The following RUNX1T1 variants were observed in gnomAD, a reference collection of about 807,000 sequenced individuals.
RUNX1T1 encodes protein CBFA2T1.
In RUNX1T1, 4 loss-of-function variants were observed where a neutral mutation model predicts 62.8. The ratio of observed to expected loss-of-function variants is 0.06; its 90% confidence interval spans 0.03 to 0.15. The LOEUF (loss-of-function observed/expected upper bound fraction) is 0.15. RUNX1T1 is among the 10% of genes least tolerant of loss of function. The pLI, the probability that RUNX1T1 is intolerant of heterozygous loss-of-function variation, is 1.00. For missense variants in RUNX1T1, 508 were observed against 754.3 expected (o/e 0.67, Z 3.82); for synonymous variants, 291 against 286.0 (o/e 1.02, Z -0.18).
At chr8:92,078,828 CTT>C (rs1289640348) in intron 1 of RUNX1T1, among the ~76,000 whole-genome samples, 1 of 152,202 alleles carries the variant, frequency 6.6e-6, no homozygotes, top group African/African-American at 2.4e-5. Context: ...ATACAGAATA[CTT>C]TTTTGATCAA....
intron 5 of RUNX1T1, among the ~76,000 whole-genome samples, chr8:91,998,051 C>T (rs575922545): frequency 3.3e-5 from 5 of 152,226 alleles, no homozygotes; most frequent in East Asian, 1.9e-4. Context: ...TTTTCTAACA[C>T]GTGCAGTTTG....
chr8:92,018,167 A>G (rs1355562386), intron 1 of RUNX1T1, among the ~76,000 whole-genome samples: 1 of 152,234 alleles, frequency 6.6e-6, no homozygotes, highest in Non-Finnish European at 1.5e-5. Context: ...ATGGACATTC[A>G]TACTTCAGAA....
At chr8:92,027,000 C>A (rs1233974244) in intron 1 of RUNX1T1, among the ~76,000 whole-genome samples, 2 of 138,920 alleles carry the variant, frequency 1.4e-5, no homozygotes, top group South Asian at 2.3e-4. Flanking sequence ...CCTGTAGTCC[C>A]AGCTACTCGG....
chr8:92,014,466 G>A (rs1193763371), intron 3 of RUNX1T1, 113 bp downstream of exon 4: 24 of 988,452 alleles, frequency 2.4e-5, no homozygotes, highest in Non-Finnish European at 3.3e-5. Context: ...ACAATCTTCA[G>A]ATGTAGAAAC....
chr8:92,082,020 G>C (rs1357146297), intron 1 of RUNX1T1, among the ~76,000 whole-genome samples: 2 of 152,000 alleles, frequency 1.3e-5, no homozygotes, highest in Non-Finnish European at 2.9e-5. Context: ...CAAGTAGCTG[G>C]GACTACAGGC....
intron 1 of RUNX1T1, among the ~76,000 whole-genome samples, chr8:92,087,485 C>T (rs967748590): frequency 4.6e-5 from 7 of 152,130 alleles, no homozygotes; most frequent in African/African-American, 1.4e-4. Flanking sequence ...CTTGATGAAT[C>T]CTACCTGTCT....
chr8:92,086,333 C>T (rs1000145912), intron 1 of RUNX1T1, among the ~76,000 whole-genome samples: 27 of 152,206 alleles, frequency 1.8e-4, no homozygotes, highest in Non-Finnish European at 7.3e-5. Context: ...CTGCACTGGT[C>T]AAATGAGAAG....
intron 2 of RUNX1T1, among the ~76,000 whole-genome samples, chr8:92,074,131 T>G (rs957157922): frequency 1.3e-5 from 2 of 151,622 alleles, no homozygotes; most frequent in Non-Finnish European, 2.9e-5. Flanking sequence ...TACAGGAGAG[T>G]AGGAGAGACA....
intron 1 of RUNX1T1, among the ~76,000 whole-genome samples, chr8:92,021,504 A>T (rs1824088602): frequency 6.6e-6 from 1 of 152,106 alleles, no homozygotes; most frequent in Non-Finnish European, 1.5e-5. Context: ...AAAGTCAAAC[A>T]CTAAGATGCT....
At chr8:92,011,170 C>T in intron 3 of RUNX1T1, 79 bp from the exon 5 acceptor site, 1 of 783,252 alleles carries the variant, frequency 1.3e-6, no homozygotes, top group Non-Finnish European at 2.2e-6. Flanking sequence ...ATTATTAAGA[C>T]TGGTACAACA....
At chr8:91,955,751 C>T, downstream of RUNX1T1, 1 of 225,432 alleles carries the variant, frequency 4.4e-6, no homozygotes, top group Non-Finnish European at 8.8e-6. Flanking sequence ...TCAGAGGAAA[C>T]AGGAATTTCT....
intron 1 of RUNX1T1, among the ~76,000 whole-genome samples, chr8:92,082,274 T>A (rs72671444): frequency 0.045 from 6,922 of 152,258 alleles, 225 homozygotes; most frequent in Non-Finnish European, 0.065. Flanking sequence ...TTAGTATCAT[T>A]CCCTGCTGTA....
chr8:92,044,142 T>C (rs1488817806), intron 1 of RUNX1T1, among the ~76,000 whole-genome samples: 1 of 152,066 alleles, frequency 6.6e-6, no homozygotes, highest in Non-Finnish European at 1.5e-5. Flanking sequence ...GAAAAGCCCA[T>C]GGTAAATAAT....
At chr8:91,981,459 G>C (rs1000554497) in intron 8 of RUNX1T1, among the ~76,000 whole-genome samples, 1 of 127,300 alleles carries the variant, frequency 7.9e-6, no homozygotes, top group Non-Finnish European at 1.5e-5. Context: ...CTGTCCTCCA[G>C]GCTGGAGTAC....
At chr8:92,005,985 T>TACACACACACACACACACACACACACAC (rs139289273) in intron 4 of RUNX1T1, 6 of 145,668 alleles carry the variant, frequency 4.1e-5, no homozygotes, top group Admixed American at 1.4e-4. Context: ...AAGGAATGAA[T>TACACACACACACACACACACACACACAC]ACACACACAC....
At chr8:92,076,706 A>C (rs1834480503) in intron 1 of RUNX1T1, among the ~76,000 whole-genome samples, 1 of 152,116 alleles carries the variant, frequency 6.6e-6, no homozygotes, top group African/African-American at 2.4e-5. Context: ...TTAATGAAAC[A>C]AATATTGTTG....
At chr8:92,001,515 G>T (rs1819754772) in intron 5 of RUNX1T1, among the ~76,000 whole-genome samples, 1 of 152,292 alleles carries the variant, frequency 6.6e-6, no homozygotes, top group African/African-American at 2.4e-5. Context: ...CCAACTACAT[G>T]GCCTTTGCAT....
At chr8:91,969,304 C>A (rs760007318) in intron 10 of RUNX1T1, among the ~76,000 whole-genome samples, 3 of 152,130 alleles carry the variant, frequency 2.0e-5, no homozygotes, top group Non-Finnish European at 4.4e-5. Context: ...TTGACAATTT[C>A]TTCCTAGACA....
intron 10 of RUNX1T1, among the ~76,000 whole-genome samples, chr8:91,964,706 CTT>C (rs1353274958): frequency 6.6e-6 from 1 of 152,184 alleles, no homozygotes; most frequent in Non-Finnish European, 1.5e-5. Context: ...AAATGCCACA[CTT>C]TGTCAACTTC....
Sources: allele counts gnomAD v4.1 joint callset (sites outside exome capture counted in the v4.1 genomes callset), GRCh38; gene constraint gnomAD v4.1.1; transcripts MANE v1.5; gene names NCBI Gene and HGNC (gene_info 2026-07-23, HGNC 2026-07-21).